PAN3: variants seen among roughly 807,000 people sequenced by gnomAD.
The protein encoded by PAN3 is poly(A) specific ribonuclease subunit PAN3.
A neutral mutation model predicts 96.2 loss-of-function variants in PAN3; 19 were observed. The ratio of observed to expected loss-of-function variants is 0.20; its 90% CI spans 0.14 to 0.29. The LOEUF (loss-of-function observed/expected upper bound fraction) is 0.29. PAN3 is among the 10% of genes least tolerant of loss of function. The pLI is 1.00. For missense variants in PAN3, 882 were observed against 1,108.1 expected, an observed-to-expected ratio of 0.80 and a Z score of 2.90; for synonymous variants, 433 against 406.6, an observed-to-expected ratio of 1.06 and a Z score of -0.78.
At chr13:28,290,732 C>A (rs1243097829) in intron 18 of PAN3, among the ~76,000 whole-genome samples, 2 of 152,050 alleles carry the variant, frequency 1.3e-5, no homozygotes, top group African/African-American at 4.8e-5. Context: ...TGAACTAATT[C>A]AGTATGAGTT....
intron 1 of PAN3, among the ~76,000 whole-genome samples, chr13:28,150,506 G>A (rs1383429176): frequency 4.6e-5 from 7 of 151,604 alleles, no homozygotes; most frequent in African/African-American, 9.7e-5. Flanking sequence ...GCGCGGTGAC[G>A]GGCACCTGTA....
At chr13:28,165,550 A>G (rs1366111164) in intron 1 of PAN3, among the ~76,000 whole-genome samples, 1 of 152,222 alleles carries the variant, frequency 6.6e-6, no homozygotes, top group Non-Finnish European at 1.5e-5. Context: ...TTGCTTAACC[A>G]TAAAATAAAA....
At chr13:28,203,506 T>C (rs1878988021) in intron 5 of PAN3, among the ~76,000 whole-genome samples, 1 of 151,686 alleles carries the variant, frequency 6.6e-6, no homozygotes, top group South Asian at 2.1e-4. Flanking sequence ...ACAGGGTTTC[T>C]CCATATTGCT....
rs1433815899 is a variant in PAN3, at chr13:28,256,491, G to A, written c.1200G>A (p.Gly400=). The A allele has an allele frequency of 2.0e-5, 32 of 1,613,948 alleles. 1 individual carries two copies. Among genetic ancestry groups the A allele is most frequent in the African/African-American group, 1.9e-4 (14 of 74,926 alleles). ...GQVIQKETVG[G]TTYFYTDTTP... ...TGATCCAAAAGGAAACTGTTGGTGG[G>A]ACGACTTACTTCTATACAGACACAA... Residue 400 remains glycine, a synonymous_variant, in exon 7 of 19, where the codon GGG becomes GGA. Coordinates refer to ENST00000380958, the MANE Select transcript of PAN3 (RefSeq NM_175854.8).
At chr13:28,210,164 C>G (rs1204578099) in intron 5 of PAN3, among the ~76,000 whole-genome samples, 1 of 152,048 alleles carries the variant, frequency 6.6e-6, no homozygotes, top group Non-Finnish European at 1.5e-5. Context: ...ATAGTATTAT[C>G]CATTTCTGGC....
intron 1 of PAN3, among the ~76,000 whole-genome samples, chr13:28,154,341 C>T (rs1018077575): frequency 9.2e-5 from 14 of 151,774 alleles, no homozygotes; most frequent in Non-Finnish European, 1.8e-4. Flanking sequence ...GGGTACCTGT[C>T]GTTAAGCCAC....
chr13:28,267,519 TATTAC>T, intron 12 of PAN3, 118 bp downstream of exon 12: 3 of 829,784 alleles, frequency 3.6e-6, no homozygotes, highest in Non-Finnish European at 5.6e-6. Context: ...TTAAAGACTC[TATTAC>T]ATTTTGTACT....
intron 1 of PAN3, among the ~76,000 whole-genome samples, chr13:28,165,730 G>T (rs1481826958): frequency 6.6e-6 from 1 of 152,074 alleles, no homozygotes; most frequent in African/African-American, 2.4e-5. Context: ...GAGTTCTGGA[G>T]GCTGGGAAGT....
At chr13:28,139,890 G>A (rs1210753255) in intron 1 of PAN3, among the ~76,000 whole-genome samples, 2 of 152,116 alleles carry the variant, frequency 1.3e-5, no homozygotes, top group Non-Finnish European at 2.9e-5. Flanking sequence ...GTGCGACTGA[G>A]CACTTGGGTG....
At chr13:28,214,550 T>C (rs574138545) in intron 5 of PAN3, 6 of 351,050 alleles carry the variant, frequency 1.7e-5, no homozygotes, top group Admixed American at 3.6e-5. Flanking sequence ...ATTGTCTTCA[T>C]TGGACACATA....
chr13:28,183,710 TTAGATGCGAGGCAGTCAGGA>T (rs1876099646), intron 4 of PAN3, among the ~76,000 whole-genome samples: 1 of 152,312 alleles, frequency 6.6e-6, no homozygotes, highest in African/African-American at 2.4e-5. Flanking sequence ...GGGTTTAGAG[TTAGATGCGAGGCAGTCAGGA>T]TTGAATTAGT....
In PAN3 at chr13:28,141,664, T is replaced by A. The variant is rs374083061; in HGVS notation, c.430+2577T>A. Among the ~76,000 whole-genome samples, 20 of 151,788 alleles carry A rather than the reference T, an allele frequency of 1.3e-4. No individual in the cohort carries two copies. In the South Asian group the frequency reaches 1.9e-3, roughly 14 times the overall value. On this transcript the variant is annotated intron_variant, in intron 1 of 18. Coordinates refer to ENST00000380958, the MANE Select transcript of PAN3 (RefSeq NM_175854.8). ...GTAGTTTTAGTAGACACGGGGTTTC[T>A]CCATGTTGGTCAGGCTGGTCTCAAA...
At chr13:28,273,121 A>AT (rs1194178967) in intron 14 of PAN3, among the ~76,000 whole-genome samples, 4 of 152,198 alleles carry the variant, frequency 2.6e-5, no homozygotes, top group South Asian at 2.1e-4. Context: ...TTTCTAAGTA[A>AT]TTTTTTTATT....
At chr13:28,211,066 A>C (rs563835174) in intron 5 of PAN3, among the ~76,000 whole-genome samples, 2 of 152,050 alleles carry the variant, frequency 1.3e-5, no homozygotes, top group African/African-American at 4.8e-5. Flanking sequence ...TAATTTAAAA[A>C]AATTTTTTTT....
At chr13:28,217,465 C>T (rs562970386) in intron 5 of PAN3, among the ~76,000 whole-genome samples, 64 of 152,032 alleles carry the variant, frequency 4.2e-4, no homozygotes, top group South Asian at 8.4e-4. Context: ...ACCTGTAATC[C>T]CTGCTACTAG....
chr13:28,176,541 A>G lies in PAN3; in HGVS notation c.601A>G (p.Lys201Glu). The G allele has an allele frequency of 6.2e-7, 1 of 1,614,010 alleles. No homozygotes were observed. The highest frequency in any genetic ancestry group is 1.1e-5 in the South Asian group (1 of 91,076). Reference sequence around the variant, plus strand: ...CCCAAGCCTTCTAAATGACAGTGCCAAGCCATATTCAGCCCATGGTAAGAC... The same window carrying G: ...CCCAAGCCTTCTAAATGACAGTGCCGAGCCATATTCAGCCCATGGTAAGAC... Reference protein sequence around the residue: ...SSPSLLNDSAKPYSAHDPLTS... With the variant: ...SSPSLLNDSAEPYSAHDPLTS... Residue 201 changes from lysine (K) to glutamate (E), a missense_variant, in exon 3 of 19, where the codon AAG becomes GAG. This residue lies in a region of PAN3 where 442 missense variants were observed against 422.8 expected (regional missense o/e 1.05). Transcript: ENST00000380958.
At chr13:28,235,377 C>T (rs1426436579) in intron 6 of PAN3, among the ~76,000 whole-genome samples, 1 of 152,028 alleles carries the variant, frequency 6.6e-6, no homozygotes, top group Non-Finnish European at 1.5e-5. Context: ...GGACCTAGTC[C>T]CTTTGACTCT....
intron 5 of PAN3, among the ~76,000 whole-genome samples, chr13:28,199,715 A>G (rs1275768916): frequency 6.6e-6 from 1 of 152,156 alleles, no homozygotes; most frequent in African/African-American, 2.4e-5. Context: ...AGAGAAAAGT[A>G]ACTTACCAAT....
chr13:28,255,128 T>G (rs1269020415), intron 6 of PAN3, among the ~76,000 whole-genome samples: 1 of 152,200 alleles, frequency 6.6e-6, no homozygotes, highest in Non-Finnish European at 1.5e-5. Flanking sequence ...ATTTTGTGAC[T>G]AGGGCATTTT....
Sources: allele counts gnomAD v4.1 joint callset (sites outside exome capture counted in the v4.1 genomes callset), GRCh38; gene constraint gnomAD v4.1.1; regional missense constraint gnomAD v4.1.1; transcripts MANE v1.5; gene names NCBI Gene and HGNC (gene_info 2026-07-23, HGNC 2026-07-21).